MGAT4C: variants seen among roughly 807,000 people sequenced by gnomAD.
MGAT4C encodes MGAT4 family member C.
A neutral mutation model predicts 40.1 loss-of-function variants in MGAT4C; 19 were observed. That is an observed-to-expected ratio of 0.47 (90% CI 0.33 to 0.70). MGAT4C has a LOEUF of 0.70. MGAT4C is among the 30% of genes least tolerant of loss of function. MGAT4C has a pLI of 0.02. For missense variants in MGAT4C, 491 were observed against 563.2 expected (o/e 0.87, Z 1.30); for synonymous variants, 181 against 187.1 (o/e 0.97, Z 0.27).
chr12:86,359,463 A>G (rs1955402895), intron 3 of MGAT4C, among the ~76,000 whole-genome samples: 1 of 152,196 alleles, frequency 6.6e-6, no homozygotes, highest in Non-Finnish European at 1.5e-5. Flanking sequence ...AGAAGGCAAG[A>G]AATAACTAAG....
chr12:86,558,705 G>A (rs1287443142), intron 2 of MGAT4C, among the ~76,000 whole-genome samples: 1 of 151,950 alleles, frequency 6.6e-6, no homozygotes, highest in Non-Finnish European at 1.5e-5. Context: ...ACACATGGAA[G>A]TGTAAAACTC....
chr12:86,595,624 T>C (rs574605928), intron 2 of MGAT4C, among the ~76,000 whole-genome samples: 4 of 152,310 alleles, frequency 2.6e-5, no homozygotes, highest in Admixed American at 2.6e-4. Context: ...AGACTGCATA[T>C]TAAGAATTTT....
chr12:86,194,234 T>A (rs1455028041), intron 1 of MGAT4C, among the ~76,000 whole-genome samples: 1 of 152,078 alleles, frequency 6.6e-6, no homozygotes, highest in African/African-American at 2.4e-5. Flanking sequence ...TTAATCATAG[T>A]TATTTAAAAA....
intron 1 of MGAT4C, among the ~76,000 whole-genome samples, chr12:86,081,131 A>T (rs949105629): frequency 6.6e-6 from 1 of 152,180 alleles, no homozygotes; most frequent in Non-Finnish European, 1.5e-5. Flanking sequence ...ATGTCTAAGG[A>T]AACAAACATG....
chr12:86,505,354 C>T (rs1025159613), intron 2 of MGAT4C, among the ~76,000 whole-genome samples: 3 of 152,294 alleles, frequency 2.0e-5, no homozygotes, highest in South Asian at 2.1e-4. Context: ...AAGGCTCCAG[C>T]ACATGATCAA....
intron 1 of MGAT4C, among the ~76,000 whole-genome samples, chr12:86,214,039 T>A (rs1415328854): frequency 1.3e-5 from 2 of 152,230 alleles, no homozygotes; most frequent in Non-Finnish European, 2.9e-5. Flanking sequence ...CTTTAAAGTA[T>A]ACCACTCTTC....
At chr12:86,147,353 T>C (rs1883675571) in intron 1 of MGAT4C, among the ~76,000 whole-genome samples, 1 of 152,168 alleles carries the variant, frequency 6.6e-6, no homozygotes, top group Non-Finnish European at 1.5e-5. Context: ...GTCATTCTCC[T>C]GCTTCAGCCT....
At chr12:86,491,299 G>C (rs146392290) in intron 2 of MGAT4C, among the ~76,000 whole-genome samples, 9,844 of 151,894 alleles carry the variant, frequency 0.065, 757 homozygotes, top group East Asian at 0.23. Flanking sequence ...ATTTTATGAG[G>C]CCAGCATCAT....
intron 1 of MGAT4C, among the ~76,000 whole-genome samples, chr12:86,796,193 C>T (rs1952114877): frequency 6.6e-6 from 1 of 151,330 alleles, no homozygotes; most frequent in Admixed American, 6.6e-5. Context: ...TCACCAGCCA[C>T]ACTATATTAC....
chr12:86,395,927 A>C (rs73389365), intron 3 of MGAT4C, among the ~76,000 whole-genome samples: 10,754 of 152,154 alleles, frequency 0.071, 894 homozygotes, highest in East Asian at 0.24. Context: ...AAATATAACC[A>C]TAATTTTACA....
chr12:86,104,231 T>C (rs1269796113), intron 1 of MGAT4C, among the ~76,000 whole-genome samples: 1 of 149,212 alleles, frequency 6.7e-6, no homozygotes, highest in Admixed American at 6.8e-5. Context: ...CAGACAAGCC[T>C]GGGCAACATG....
chr12:86,506,836 G>T (rs1203364591), intron 2 of MGAT4C, among the ~76,000 whole-genome samples: 1 of 152,168 alleles, frequency 6.6e-6, no homozygotes, highest in East Asian at 1.9e-4. Context: ...TGACATTTAA[G>T]TTAGATGAAG....
intron 4 of MGAT4C, among the ~76,000 whole-genome samples, chr12:86,270,495 A>T (rs933349975): frequency 6.6e-6 from 1 of 152,128 alleles, no homozygotes; most frequent in African/African-American, 2.4e-5. Context: ...TAGGAATTTC[A>T]TATAATTAAA....
intron 3 of MGAT4C, among the ~76,000 whole-genome samples, chr12:86,344,384 A>C (rs770695764): frequency 4.6e-5 from 7 of 152,208 alleles, no homozygotes; most frequent in Non-Finnish European, 8.8e-5. Flanking sequence ...AACTAAATAG[A>C]CTACTCTTTT....
intron 4 of MGAT4C, among the ~76,000 whole-genome samples, chr12:86,297,839 A>G (rs560306769): frequency 3.3e-5 from 5 of 152,216 alleles, no homozygotes; most frequent in Non-Finnish European, 7.4e-5. Context: ...ACCAACATAC[A>G]TAAATAAAAC....
chr12:86,561,103 G>T (rs1278932871), intron 2 of MGAT4C, among the ~76,000 whole-genome samples: 5 of 152,050 alleles, frequency 3.3e-5, no homozygotes, highest in Non-Finnish European at 7.4e-5. Context: ...AGAAATCAGA[G>T]ATACCTCATG....
At chr12:86,663,554 C>A (rs1333969673) in intron 2 of MGAT4C, among the ~76,000 whole-genome samples, 1 of 151,990 alleles carries the variant, frequency 6.6e-6, no homozygotes, top group Non-Finnish European at 1.5e-5. Flanking sequence ...TTGATTTTTA[C>A]TTGAAAAAGG....
At chr12:86,510,126 C>G (rs956999877) in intron 2 of MGAT4C, among the ~76,000 whole-genome samples, 10 of 152,164 alleles carry the variant, frequency 6.6e-5, no homozygotes, top group African/African-American at 2.4e-4. Context: ...GAGAGGACAT[C>G]CCTGTCTTGT....
intron 1 of MGAT4C, among the ~76,000 whole-genome samples, chr12:86,152,731 T>G (rs1485144871): frequency 1.3e-5 from 2 of 152,226 alleles, no homozygotes; most frequent in Non-Finnish European, 2.9e-5. Context: ...TACCAGGTAC[T>G]GTTCTATTAG....
Sources: allele counts gnomAD v4.1 joint callset (sites outside exome capture counted in the v4.1 genomes callset), GRCh38; gene constraint gnomAD v4.1.1; transcripts MANE v1.5; gene names NCBI Gene and HGNC (gene_info 2026-07-23, HGNC 2026-07-21).